The following RNF10 variants were observed in gnomAD, a reference collection of about 807,000 sequenced individuals.
RNF10 encodes E3 ubiquitin-protein ligase RNF10.
A neutral mutation model predicts 91.4 loss-of-function variants in RNF10; 38 were observed. The observed-to-expected ratio is 0.42, with a 90% confidence interval of 0.32 to 0.54. RNF10 has a LOEUF of 0.54. Among genes scored for constraint, RNF10 ranks in the 20% least tolerant of loss-of-function variants. The pLI is 0.16. For missense variants in RNF10, 945 were observed against 1,012.0 expected (o/e 0.93, Z 0.90); for synonymous variants, 364 against 366.3 (o/e 0.99, Z 0.07).
rs190783941 is a variant in RNF10 at position 120,571,129 on chromosome 12, C to T, written c.2042-62C>T. The T allele has an allele frequency of 1.3e-4, 148 of 1,129,484 alleles. No individual in the cohort carries two copies. In the East Asian group the frequency reaches 3.4e-3, roughly 26 times the overall value. 70.0% of individuals were successfully genotyped at this position (1,129,484 alleles called of 1,614,324 possible). A position where few individuals can be genotyped will look rare whatever the true frequency, so the allele number is the denominator to read the frequency against. ...GACCTGACTCAGGGCTCACTCATCT[C>T]TCTTGTTAAGGACACCCCTTGGAAC... On this transcript the variant is annotated intron_variant, in intron 13 of 16. Coordinates refer to ENST00000325954, the MANE Select transcript of RNF10 (RefSeq NM_014868.5).
rs1565953880 is a variant in RNF10 at position 120,553,082 on chromosome 12, T to G, written c.554+384T>G. 1.3e-4 allele frequency among the ~76,000 whole-genome samples: 4 copies of G among 30,360 alleles called. 1 individual carries two copies. The highest frequency in any genetic ancestry group is 6.2e-4 in the African/African-American group (4 of 6,462). 19.9% of individuals were successfully genotyped at this position (30,360 alleles called of 152,430 possible). ...TTTTTTTTTTTTTTTTTTTTTTTTT[T>G]TTTTTTTTTTTTTTTTTTTGAGATG... On this transcript the variant is annotated intron_variant, in intron 3 of 16. Coordinates refer to ENST00000325954, the MANE Select transcript of RNF10 (RefSeq NM_014868.5).
At chr12:120,552,373 C>T (rs1873233437) in intron 2 of RNF10, 126 bp from the exon 3 acceptor site, 4 of 758,348 alleles carry the variant, frequency 5.3e-6, no homozygotes, top group Non-Finnish European at 8.4e-6. Flanking sequence ...GCACTCCAGC[C>T]TGGATGACAG....
intron 14 of RNF10, among the ~76,000 whole-genome samples, chr12:120,571,773 G>T (rs1406066086): frequency 6.6e-6 from 1 of 152,144 alleles, no homozygotes; most frequent in African/African-American, 2.4e-5. Flanking sequence ...GATTCAGGTG[G>T]TATTTATCTG....
chr12:120,556,657 C>T (rs928407444), intron 4 of RNF10, among the ~76,000 whole-genome samples: 4 of 148,008 alleles, frequency 2.7e-5, no homozygotes, highest in African/African-American at 1.0e-4. Flanking sequence ...CTTTTTAATG[C>T]GTTCTTTGTT....
At chr12:120,570,165 G>A (rs182565555) in intron 13 of RNF10, 6,718 of 150,336 alleles carry the variant, frequency 0.045, 250 homozygotes, top group South Asian at 0.098. Context: ...GATTACAGGC[G>A]TGAGCCACCA....
At chr12:120,537,392 C>T (rs918161400) in intron 1 of RNF10, among the ~76,000 whole-genome samples, 6 of 151,964 alleles carry the variant, frequency 3.9e-5, no homozygotes, top group Admixed American at 2.0e-4. Flanking sequence ...TTTGGGAGGC[C>T]GAGGCAGGTG....
intron 1 of RNF10, among the ~76,000 whole-genome samples, chr12:120,545,432 T>A (rs1489384336): frequency 1.3e-5 from 2 of 151,320 alleles, no homozygotes; most frequent in Admixed American, 1.3e-4. Flanking sequence ...GACCTCGTGA[T>A]CCGCCCACCT....
At chr12:120,559,758 C>T (rs564986875) in intron 6 of RNF10, among the ~76,000 whole-genome samples, 5 of 151,330 alleles carry the variant, frequency 3.3e-5, no homozygotes, top group East Asian at 2.0e-4. Context: ...TGCAATGGTG[C>T]GATCTTGGCT....
intron 6 of RNF10, among the ~76,000 whole-genome samples, chr12:120,560,312 C>T (rs1051792778): frequency 4.0e-5 from 6 of 151,856 alleles, no homozygotes; most frequent in African/African-American, 7.3e-5. Flanking sequence ...CTACCAGGCC[C>T]GACTAACTTT....
chr12:120,554,210 T>C (rs1167713), intron 3 of RNF10: 44,523 of 153,760 alleles, frequency 0.29, 7,137 homozygotes, highest in Admixed American at 0.4. Context: ...TGGCCTAATT[T>C]TTCTATTTTT....
At chr12:120,563,102 G>A (rs773314170) in intron 8 of RNF10, 32 bp downstream of exon 8, 5 of 1,613,610 alleles carry the variant, frequency 3.1e-6, no homozygotes, top group South Asian at 1.1e-5. Flanking sequence ...AGTGGCTGCC[G>A]TTCCTCAAAT....
At chr12:120,572,135 T>C (rs1306110419) in intron 14 of RNF10, among the ~76,000 whole-genome samples, 1 of 151,866 alleles carries the variant, frequency 6.6e-6, no homozygotes, top group Non-Finnish European at 1.5e-5. Flanking sequence ...GGCGCGATCT[T>C]GGCTTGCTGT....
chr12:120,550,698 G>A (rs907197707), intron 2 of RNF10, among the ~76,000 whole-genome samples: 3 of 150,896 alleles, frequency 2.0e-5, no homozygotes, highest in African/African-American at 4.9e-5. Context: ...CTGGATTCAC[G>A]GCATTCTCCT....
intron 1 of RNF10, among the ~76,000 whole-genome samples, chr12:120,546,004 G>A (rs1397225469): frequency 3.3e-5 from 5 of 152,210 alleles, no homozygotes; most frequent in Admixed American, 6.5e-5. Flanking sequence ...TTATGTTATA[G>A]TAATTTAAAA....
intron 2 of RNF10, 33 bp from the exon 3 acceptor site, chr12:120,552,466 T>C: frequency 6.4e-7 from 1 of 1,572,694 alleles, no homozygotes; most frequent in East Asian, 2.2e-5. Context: ...GTCATCCTAA[T>C]CTGAAATACT....
Position 120,554,823 on chromosome 12 carries a change from C to T in RNF10, c.645+15C>T. 1 of 1,601,010 alleles carries T rather than the reference C, an allele frequency of 6.2e-7. No individual in the cohort carries two copies. The highest frequency in any genetic ancestry group is 8.6e-7 in the Non-Finnish European group (1 of 1,168,238). ...TGGAACAAGTGGTGAGTAGCTCAGCCAAGCCCATAAGCTATGAATGGGAGC... is the reference window on the plus strand; with the variant it reads ...TGGAACAAGTGGTGAGTAGCTCAGCTAAGCCCATAAGCTATGAATGGGAGC... On this transcript the variant is annotated intron_variant, in intron 4 of 16. Coordinates refer to ENST00000325954, the MANE Select transcript of RNF10 (RefSeq NM_014868.5).
At chr12:120,568,336 G>T (rs375630450) in intron 13 of RNF10, among the ~76,000 whole-genome samples, 1 of 152,018 alleles carries the variant, frequency 6.6e-6, no homozygotes, top group Non-Finnish European at 1.5e-5. Flanking sequence ...TGTTCAAATG[G>T]GCCTTTAGCC....
Position 120,565,437 on chromosome 12 carries a change from A to G in RNF10, c.1793A>G (p.Glu598Gly). The G allele has an allele frequency of 6.2e-7, 1 of 1,613,982 alleles. No homozygotes were observed. Among genetic ancestry groups the G allele is most frequent in the Non-Finnish European group, 8.5e-7 (1 of 1,179,944 alleles). The change falls in exon 12 of 17, where the codon GAG becomes GGG. Residue 598 changes from glutamate to glycine, a missense_variant. Coordinates refer to ENST00000325954, the MANE Select transcript of RNF10 (RefSeq NM_014868.5). ...ETLEMFSDDI[E>G]KRKRQRQKKA... is the part of the protein sequence containing the mutation. ...CCTGACCAATCTGCAGATGACATTG[A>G]GAAGAGGAAACGTCAGCGCCAAAAG...
In RNF10 at chr12:120,575,619, C is replaced by CT; in HGVS notation, c.2143-12_2143-11insT. ...TTAAATTCTCTCCCCCACTTCTTTC[C>CT]CACTTTGGCAGATGCTGAGGGTTGG... is the stretch of plus-strand genomic sequence containing the variant. On this transcript the variant is annotated splice_polypyrimidine_tract_variant and intron_variant, in intron 14 of 16. Coordinates refer to ENST00000325954, the MANE Select transcript of RNF10 (RefSeq NM_014868.5). The CT allele has an allele frequency of 6.2e-7, 1 of 1,614,088 alleles. No homozygotes were observed. The highest frequency in any genetic ancestry group is 8.5e-7 in the Non-Finnish European group (1 of 1,180,020).
Sources: allele counts gnomAD v4.1 joint callset (sites outside exome capture counted in the v4.1 genomes callset), GRCh38; gene constraint gnomAD v4.1.1; transcripts MANE v1.5; gene names NCBI Gene and HGNC (gene_info 2026-07-23, HGNC 2026-07-21).